Variants in OBSL1 observed in about 807,000 individuals in gnomAD.
OBSL1 encodes the protein obscurin-like protein 1.
A neutral mutation model predicts 172.0 loss-of-function variants in OBSL1; 160 were observed. The observed-to-expected ratio is 0.93, with a 90% CI of 0.82 to 1.06. The LOEUF is 1.06. OBSL1 is among the 50% of genes least tolerant of loss of function. The probability of loss-of-function intolerance (pLI) is 0.00; values close to 1 mark genes in which losing one functional copy is unlikely to be tolerated. For synonymous variants in OBSL1, 1,200 were observed against 1,196.3 expected, an observed-to-expected ratio of 1.00 and a Z score of -0.06; for missense variants, 2,681 against 2,715.4, an observed-to-expected ratio of 0.99 and a Z score of 0.28.
intron 8 of OBSL1, among the ~76,000 whole-genome samples, chr2:219,560,980 T>A (rs927711685): frequency 2.0e-5 from 3 of 151,554 alleles, no homozygotes; most frequent in Admixed American, 6.6e-5. Context: ...GTGAAGAGAC[T>A]GGTGTTTGTG....
chr2:219,555,756 G>A, intron 14 of OBSL1: 3 of 1,355,222 alleles, frequency 2.2e-6, no homozygotes, highest in African/African-American at 1.5e-5. Flanking sequence ...CCCATGGCAA[G>A]TCTTTCTGGA....
chr2:219,550,372 C>T (rs1574511177), downstream of OBSL1: 1 of 199,350 alleles, frequency 5.0e-6, no homozygotes, highest in East Asian at 1.3e-4. Flanking sequence ...CCCTGGTCCC[C>T]TGGCCTCTGT....
chr2:219,570,612 G>C lies in OBSL1; in HGVS notation c.621C>G (p.Tyr207Ter). 1 of 1,516,158 alleles carries C rather than the reference G, an allele frequency of 6.6e-7. No homozygotes were observed. Among genetic ancestry groups the C allele is most frequent in the Non-Finnish European group, 8.8e-7 (1 of 1,136,434 alleles). 93.9% of individuals were successfully genotyped at this position (1,516,158 alleles called of 1,614,324 possible). A position where few individuals can be genotyped will look rare whatever the true frequency, so the allele number is the denominator to read the frequency against. The change falls in exon 1 of 21, where the codon TAC becomes TAG. Residue 207 changes from tyrosine to a stop codon, truncating the protein, a stop_gained. Transcript: ENST00000404537. LOFTEE classifies it high-confidence loss of function. Reference protein sequence around the residue: ...LAARLPDSGVYVCHARNAHGH... With the variant: ...LAARLPDSGV ...CGTGCGCGTTGCGGGCGTGGCACACGTAGACGCCGGAATCCGGCAGCCGAG... is the reference window on the plus strand; with the variant it reads ...CGTGCGCGTTGCGGGCGTGGCACACCTAGACGCCGGAATCCGGCAGCCGAG...
intron 20 of OBSL1, 159 bp downstream of exon 20, chr2:219,551,370 T>C: frequency 7.2e-7 from 1 of 1,386,572 alleles, no homozygotes; most frequent in Non-Finnish European, 9.5e-7. Context: ...TTTCCAGCCC[T>C]GGGTGTGCTC....
intron 20 of OBSL1, chr2:219,551,046 T>A: frequency 7.0e-7 from 1 of 1,434,448 alleles, no homozygotes; most frequent in South Asian, 1.5e-5. Flanking sequence ...CTGAAGGGAA[T>A]GCTGGGATTT....
intron 5 of OBSL1, among the ~76,000 whole-genome samples, chr2:219,566,495 G>C (rs1405328288): frequency 6.6e-6 from 1 of 152,224 alleles, no homozygotes; most frequent in Non-Finnish European, 1.5e-5. Context: ...TCAACAATTA[G>C]ACAACATGGC....
Position 219,571,126 on chromosome 2 carries a change from A to G in OBSL1, c.107T>C (p.Leu36Pro), listed in dbSNP as rs748203002. Residue 36 changes from leucine to proline, a missense_variant, in exon 1 of 21, where the codon CTG (leucine) becomes CCG (proline). This residue lies in a region of OBSL1 where 90 missense variants were observed against 76.6 expected (regional missense o/e 1.18). Coordinates refer to ENST00000404537, the MANE Select transcript of OBSL1 (RefSeq NM_015311.3). ...CACCACTACAGGCGGCGGCTCCCCC[A>G]GGACCACGCACTTGAGCTCGGCCTC... Reference protein sequence around the residue: ...GAEAELKCVVLGEPPPVVVWE... With the variant: ...GAEAELKCVVPGEPPPVVVWE... 2.4e-5 allele frequency: 36 copies of G among 1,479,084 alleles called. No individual in the cohort carries two copies. Among genetic ancestry groups the G allele is most frequent in the Non-Finnish European group, 3.0e-5 (34 of 1,120,250 alleles). 91.6% of individuals were successfully genotyped at this position (1,479,084 alleles called of 1,614,324 possible).
chr2:219,558,366 G>C lies in OBSL1; in HGVS notation c.3320C>G (p.Pro1107Arg). 6.2e-7 allele frequency: 1 copy of C among 1,611,818 alleles called. No homozygotes were observed. The highest frequency in any genetic ancestry group is 8.5e-7 in the Non-Finnish European group (1 of 1,179,434). ...GTACCAGCGCACCTGAGACCCAGCT[G>C]GGGCCACCTCACAGCGCAGCTCCAC... ...GRVELRCEVA[P>R]AGSQVRWYKD... is the part of the protein sequence containing the mutation. Residue 1107 changes from proline (P) to arginine (R), a missense_variant, in exon 10 of 21, where the codon CCA (proline) becomes CGA (arginine). Coordinates refer to ENST00000404537, the MANE Select transcript of OBSL1 (RefSeq NM_015311.3).
intron 13 of OBSL1, 43 bp from the exon 14 acceptor site, chr2:219,556,335 G>T: frequency 6.4e-7 from 1 of 1,569,036 alleles, no homozygotes; most frequent in Non-Finnish European, 8.7e-7. Context: ...TGGGGTTGGA[G>T]GCTGGCCCCT....
At position 219,562,503 on chromosome 2, in the gene OBSL1, G is replaced by A; in HGVS notation, c.2852C>T (p.Thr951Ile). ...AGCGGGCAGCACCAGGCGGCGGACA[G>A]TGTCTTCCTTCTGCAGGAGCAGCGC... ...SPALLLQKEDTVRRLVLPAVQ... is the reference protein window; with the variant it reads ...SPALLLQKEDIVRRLVLPAVQ... Residue 951 changes from threonine (T) to isoleucine (I), a missense_variant, in exon 8 of 21, where the codon ACT becomes ATT. By Grantham distance (89) the Thr-to-Ile change is moderately conservative. This residue lies in a region of OBSL1 where 1,765 missense variants were observed against 1,748.3 expected (regional missense o/e 1.01). Coordinates refer to ENST00000404537, the MANE Select transcript of OBSL1 (RefSeq NM_015311.3). 6.2e-7 allele frequency: 1 copy of A among 1,614,038 alleles called. No homozygotes were observed. Among genetic ancestry groups the A allele is most frequent in the Non-Finnish European group, 8.5e-7 (1 of 1,179,894 alleles).
rs965372596 is a variant in OBSL1, at chr2:219,552,903, G to A, written c.5111C>T (p.Thr1704Met). The change falls in exon 17 of 21, where the codon ACG (threonine) becomes ATG (methionine). Residue 1704 changes from threonine to methionine, a missense_variant. Physicochemically the swap from Thr to Met is moderately conservative, Grantham distance 81 (BLOSUM62 -1). This residue lies in a region of OBSL1 where 1,765 missense variants were observed against 1,748.3 expected (regional missense o/e 1.01). Transcript: ENST00000404537. ...CAGGCGGACCGGTCCGGCGCGGGCC[G>A]TCCCCACCGCGCAGCTGTAGGTCCC... is the stretch of plus-strand genomic sequence containing the variant. ...DAGTYSCAVG[T>M]ARAGPVRLTV... is the part of the protein sequence containing the mutation. 6 of 1,540,336 alleles carry A rather than the reference G, an allele frequency of 3.9e-6. No individual in the cohort carries two copies. The African/African-American group carries it at 5.5e-5, about 14-fold the overall frequency.
chr2:219,552,494 C>G, intron 18 of OBSL1, 42 bp downstream of exon 18: 1 of 1,554,820 alleles, frequency 6.4e-7, no homozygotes, highest in Non-Finnish European at 8.7e-7. Context: ...CGAGCCTGGG[C>G]GGGGCAGCGA....
At position 219,567,295 on chromosome 2, in the gene OBSL1, C is replaced by T. The variant is rs1475488305; in HGVS notation, c.1815G>A (p.Val605=). The change falls in exon 4 of 21, where the codon GTG becomes GTA. Residue 605 remains valine, a synonymous_variant. Coordinates refer to ENST00000404537, the MANE Select transcript of OBSL1 (RefSeq NM_015311.3). ...CACCAAGGTGAGCAGAACCGTGGAA[C>T]ACCACGTGGGGACTACGGCCATGTC... ...VSGHGRSPHV[V]FHGSAHLVPT... The T allele has an allele frequency of 1.9e-6, 3 of 1,599,164 alleles. No homozygotes were observed. Among genetic ancestry groups the T allele is most frequent in the Admixed American group, 3.4e-5 (2 of 59,616 alleles).
Position 219,556,084 on chromosome 2 carries a change from G to A in OBSL1, c.4545C>T (p.Ala1515=), listed in dbSNP as rs759001538. The change falls in exon 14 of 21, where the codon GCC becomes GCT. Residue 1515 remains alanine, a synonymous_variant. Transcript: ENST00000404537. The stretch of plus-strand genomic sequence containing the variant: ...TCTCGCAGCCGTAGGTGCCCTGGTC[G>A]GCCAGTATGACACCATGGATGAAGA... The part of the protein sequence containing the change: ...HRLFIHGVIL[A]DQGTYGCESH... 5 of 1,613,870 alleles carry A rather than the reference G, an allele frequency of 3.1e-6. No individual in the cohort carries two copies. The highest frequency in any genetic ancestry group is 4.2e-6 in the Non-Finnish European group (5 of 1,179,904).
chr2:219,558,062 C>G lies in OBSL1; in HGVS notation c.3551G>C (p.Cys1184Ser). The change falls in exon 11 of 21, where the codon TGT (cysteine) becomes TCT (serine). Residue 1184 changes from cysteine to serine, a missense_variant. By Grantham distance (112) the Cys-to-Ser change is moderately radical. Around this residue, in one of 5 missense-constraint regions of OBSL1, gnomAD observed 1,765 missense variants for 1,748.3 expected, o/e 1.01. Transcript: ENST00000404537. ...LALETTPSPL[C>S]VAPGEPVVLS... ...CACCACTGGCTCCCCAGGGGCCACA[C>G]AGAGCGGGCTTGGAGTTGTCTCTAG... 1 of 1,613,704 alleles carries G rather than the reference C, an allele frequency of 6.2e-7. No homozygotes were observed. The highest frequency in any genetic ancestry group is 8.5e-7 in the Non-Finnish European group (1 of 1,179,874).
At position 219,557,528 on chromosome 2, in the gene OBSL1, G is replaced by C. The variant is rs1183148629; in HGVS notation, c.3881C>G (p.Ser1294Cys). ...CCAGCGTACAGGGCCCCCTGGCCCG[G>C]AGAGGTGCACCACCAGCTCTAGGTC... ...GGDLELVVHL[S>C]GPGGPVRWYK... The change falls in exon 12 of 21, where the codon TCC becomes TGC. Residue 1294 changes from serine (S) to cysteine (C), a missense_variant. Coordinates refer to ENST00000404537, the MANE Select transcript of OBSL1 (RefSeq NM_015311.3). The C allele has an allele frequency of 4.5e-6, 7 of 1,553,270 alleles. No homozygotes were observed. The highest frequency in any genetic ancestry group is 5.2e-6 in the Non-Finnish European group (6 of 1,148,912).
rs4672935 is a variant in OBSL1, at chr2:219,554,987, A to G, written c.4610-247T>C. ...GAGAAGTGTGGTTAGGGGGTCGTGG[A>G]GTCTGGGTGAGGGGTGCTGTGACAC... On this transcript the variant is annotated intron_variant, in intron 14 of 20. Coordinates refer to ENST00000404537, the MANE Select transcript of OBSL1 (RefSeq NM_015311.3). Among the ~76,000 whole-genome samples, 146,409 of 152,006 alleles carry G rather than the reference A, an allele frequency of 0.96. 70,678 individuals carry two copies. The highest frequency in any genetic ancestry group is 1 in the East Asian group (5,144 of 5,144).
intron 3 of OBSL1, 44 bp downstream of exon 3, chr2:219,567,673 AC>A (rs775474730): frequency 5.0e-5 from 80 of 1,591,928 alleles, no homozygotes; most frequent in Non-Finnish European, 6.8e-5. Context: ...CATCTGGCCA[AC>A]CTCCTGCCCT....
rs904591563 is a variant in OBSL1 at position 219,551,526 on chromosome 2, C to G, written c.5683+3G>C. Reference sequence around the variant, plus strand: ...CTGCCGCTGCCCAGTTGGCTTTACTCACCCTCTACCAGCAGCCGTGTGTGG... The same window carrying G: ...CTGCCGCTGCCCAGTTGGCTTTACTGACCCTCTACCAGCAGCCGTGTGTGG... On this transcript the variant is annotated splice_donor_region_variant and intron_variant, in intron 20 of 20. Coordinates refer to ENST00000404537, the MANE Select transcript of OBSL1 (RefSeq NM_015311.3). 2 of 1,579,762 alleles carry G rather than the reference C, an allele frequency of 1.3e-6. No individual in the cohort carries two copies. Among genetic ancestry groups the G allele is most frequent in the Non-Finnish European group, 1.7e-6 (2 of 1,161,830 alleles).
Sources: gnomAD v4.1 joint callset for allele counts (sites outside exome capture counted in the v4.1 genomes callset) on GRCh38, gnomAD v4.1.1 for gene constraint, gnomAD v4.1.1 regional missense constraint, MANE v1.5 for transcripts, NCBI Gene and HGNC (gene_info 2026-07-23, HGNC 2026-07-21) for gene names.